FILIP1L: variants seen among roughly 807,000 people sequenced by gnomAD.
FILIP1L encodes the protein filamin A-interacting protein 1-like.
A neutral mutation model predicts 96.6 loss-of-function variants in FILIP1L; 55 were observed. The observed-to-expected ratio is 0.57, with a 90% confidence interval of 0.46 to 0.71. The LOEUF is 0.71. FILIP1L is among the 30% of genes least tolerant of loss of function. FILIP1L has a pLI of 0.00. For synonymous variants in FILIP1L, 467 were observed against 473.9 expected, an observed-to-expected ratio of 0.99 and a Z score of 0.19; for missense variants, 1,304 against 1,321.2, an observed-to-expected ratio of 0.99 and a Z score of 0.20.
intron 4 of FILIP1L, among the ~76,000 whole-genome samples, chr3:99,871,746 A>G (rs903778496): frequency 1.3e-5 from 2 of 152,204 alleles, no homozygotes; most frequent in African/African-American, 4.8e-5. Flanking sequence ...TTAGTGGTTC[A>G]GACCCAAATG....
chr3:100,099,437 A>T (rs1330923069), intron 1 of FILIP1L, among the ~76,000 whole-genome samples: 1 of 152,130 alleles, frequency 6.6e-6, no homozygotes, highest in East Asian at 1.9e-4. Flanking sequence ...AAGGGTAAGG[A>T]AGGTAGAGGA....
chr3:99,922,917 C>G (rs1256476594), intron 4 of FILIP1L, among the ~76,000 whole-genome samples: 1 of 152,094 alleles, frequency 6.6e-6, no homozygotes, highest in African/African-American at 2.4e-5. Context: ...CTGCCCTTAC[C>G]ACTTTATTGA....
intron 4 of FILIP1L, among the ~76,000 whole-genome samples, chr3:99,883,584 G>C (rs1347704816): frequency 6.6e-6 from 1 of 152,134 alleles, no homozygotes; most frequent in Non-Finnish European, 1.5e-5. Flanking sequence ...TCACACTGTT[G>C]AGTCAAAGAG....
chr3:99,920,478 A>G (rs1045470516), intron 4 of FILIP1L, among the ~76,000 whole-genome samples: 5 of 152,242 alleles, frequency 3.3e-5, no homozygotes, highest in African/African-American at 1.2e-4. Flanking sequence ...CCTGTAATTC[A>G]GCCAAGTACA....
intron 4 of FILIP1L, among the ~76,000 whole-genome samples, chr3:99,911,812 T>C (rs1706797675): frequency 6.6e-6 from 1 of 152,188 alleles, no homozygotes; most frequent in African/African-American, 2.4e-5. Context: ...ACAGGATCCA[T>C]GTCTTCTTCA....
intron 1 of FILIP1L, among the ~76,000 whole-genome samples, chr3:100,062,611 A>C (rs181444149): frequency 3.2e-4 from 48 of 152,320 alleles, no homozygotes; most frequent in African/African-American, 1.2e-3. Context: ...AATTAGAGCT[A>C]CATCACCTCT....
At chr3:99,923,575 C>G (rs530880086) in intron 4 of FILIP1L, among the ~76,000 whole-genome samples, 3 of 152,320 alleles carry the variant, frequency 2.0e-5, no homozygotes, top group East Asian at 3.9e-4. Context: ...CGCACACCCC[C>G]CTCCCAACCT....
intron 1 of FILIP1L, among the ~76,000 whole-genome samples, chr3:100,062,197 C>T (rs930027114): frequency 4.1e-5 from 6 of 148,052 alleles, no homozygotes; most frequent in African/African-American, 2.5e-5. Flanking sequence ...CTGCAAGCTC[C>T]GCCTCCCGGG....
intron 1 of FILIP1L, among the ~76,000 whole-genome samples, chr3:99,945,467 C>T (rs1480996923): frequency 6.6e-6 from 1 of 152,070 alleles, no homozygotes; most frequent in Admixed American, 6.5e-5. Flanking sequence ...GCCAAGAGTG[C>T]GTGTTGACTA....
chr3:100,098,345 A>C (rs1008852650), intron 1 of FILIP1L, among the ~76,000 whole-genome samples: 19 of 152,228 alleles, frequency 1.2e-4, no homozygotes, highest in African/African-American at 4.6e-4. Flanking sequence ...TCCACCATTT[A>C]AACTGCTCTT....
At chr3:100,038,444 A>G (rs777520690) in intron 1 of FILIP1L, among the ~76,000 whole-genome samples, 1 of 152,198 alleles carries the variant, frequency 6.6e-6, no homozygotes, top group Non-Finnish European at 1.5e-5. Context: ...TTTTGCTTAT[A>G]GAGAATTCGA....
At chr3:99,953,279 T>C (rs891874058) in intron 1 of FILIP1L, among the ~76,000 whole-genome samples, 1 of 152,222 alleles carries the variant, frequency 6.6e-6, no homozygotes, top group Non-Finnish European at 1.5e-5. Context: ...TCTGACCTGC[T>C]TCTACCTTCT....
intron 1 of FILIP1L, among the ~76,000 whole-genome samples, chr3:99,997,776 T>C (rs1331638532): frequency 1.3e-5 from 2 of 152,184 alleles, no homozygotes; most frequent in African/African-American, 4.8e-5. Flanking sequence ...AAAATAAGAA[T>C]AGCATGAGGT....
chr3:99,877,683 T>G (rs1168079055), intron 4 of FILIP1L, among the ~76,000 whole-genome samples: 1 of 152,212 alleles, frequency 6.6e-6, no homozygotes, highest in Non-Finnish European at 1.5e-5. Context: ...GCCCTATACT[T>G]GTGAATTGCA....
intron 4 of FILIP1L, among the ~76,000 whole-genome samples, chr3:99,917,642 GA>G (rs1474996357): frequency 6.6e-6 from 1 of 152,186 alleles, no homozygotes; most frequent in Non-Finnish European, 1.5e-5. Flanking sequence ...TTATCTGGTA[GA>G]TTGATTCATG....
chr3:99,920,251 A>G (rs1464999919), intron 4 of FILIP1L, among the ~76,000 whole-genome samples: 1 of 152,234 alleles, frequency 6.6e-6, no homozygotes, highest in Non-Finnish European at 1.5e-5. Context: ...GTTTCAAAAA[A>G]AAGCAACTCT....
intron 5 of FILIP1L, among the ~76,000 whole-genome samples, chr3:99,840,299 C>T (rs1296021117): frequency 5.0e-5 from 7 of 141,064 alleles, no homozygotes; most frequent in African/African-American, 1.6e-4. Context: ...TCTCAGATCA[C>T]TGCAACCTCT....
intron 1 of FILIP1L, among the ~76,000 whole-genome samples, chr3:100,033,447 T>C (rs953989234): frequency 2.0e-5 from 3 of 152,222 alleles, no homozygotes; most frequent in African/African-American, 7.2e-5. Context: ...GAGCTTTGTG[T>C]TATCTTCTTG....
intron 1 of FILIP1L, among the ~76,000 whole-genome samples, chr3:99,937,676 A>C (rs1707722355): frequency 6.6e-6 from 1 of 152,212 alleles, no homozygotes; most frequent in Non-Finnish European, 1.5e-5. Flanking sequence ...GTTGGACCTC[A>C]GCAGGGATTT....
Sources: gnomAD v4.1 joint callset for allele counts (sites outside exome capture counted in the v4.1 genomes callset) on GRCh38, gnomAD v4.1.1 for gene constraint, MANE v1.5 for transcripts, NCBI Gene and HGNC (gene_info 2026-07-23, HGNC 2026-07-21) for gene names.